The following EYA2 variants were observed in gnomAD, a reference collection of about 807,000 sequenced individuals.
EYA2 encodes protein phosphatase EYA2.
In EYA2, 31 loss-of-function variants were observed where a neutral mutation model predicts 69.2. The ratio of observed to expected loss-of-function variants is 0.45; its 90% CI spans 0.34 to 0.60. The LOEUF (loss-of-function observed/expected upper bound fraction) is 0.60. Among genes scored for constraint, EYA2 ranks in the 20% least tolerant of loss-of-function variants. EYA2 has a pLI of 0.02. For missense variants in EYA2, 622 were observed against 701.2 expected, an observed-to-expected ratio of 0.89 and a Z score of 1.28; for synonymous variants, 257 against 279.4, an observed-to-expected ratio of 0.92 and a Z score of 0.80.
rs191038599 is a variant in EYA2 at position 47,097,048 on chromosome 20, C to T, written c.805-37C>T. 915 of 1,489,254 alleles carry T rather than the reference C, an allele frequency of 6.1e-4. 1 individual carries two copies. Among genetic ancestry groups the T allele is most frequent in the Admixed American group, 3.8e-3 (222 of 58,402 alleles). The allele number at this position is 1,489,254 out of a possible 1,614,324, so 92.3% of individuals were successfully genotyped here. On this transcript the variant is annotated intron_variant, in intron 8 of 15. Transcript: ENST00000327619. ...GACATTAAGTCAGATGCACGTGAGT[C>T]CATTTTTCTCCATTCTCTTCCTCTC...
chr20:47,049,889 T>G (rs1012010442), intron 5 of EYA2, among the ~76,000 whole-genome samples: 3 of 142,808 alleles, frequency 2.1e-5, no homozygotes, highest in Non-Finnish European at 3.1e-5. Context: ...CAGTCTGTCT[T>G]TCTCTCATGA....
At position 47,156,478 on chromosome 20, in the gene EYA2, G is replaced by A. The variant is rs111885788; in HGVS notation, c.979-12661G>A. Reference sequence around the variant, plus strand: ...GGGAGCATTTCAAGATGCAGCCAGGGCTTTAGGAAAGACCATGCCGGAGAG... The same window carrying A: ...GGGAGCATTTCAAGATGCAGCCAGGACTTTAGGAAAGACCATGCCGGAGAG... On this transcript the variant is annotated intron_variant, in intron 10 of 15. Coordinates refer to ENST00000327619, the MANE Select transcript of EYA2 (RefSeq NM_005244.5). Among the ~76,000 whole-genome samples, 335 of 151,888 alleles carry A rather than the reference G, an allele frequency of 2.2e-3. 2 individuals are homozygous for A. The highest frequency in any genetic ancestry group is 7.7e-3 in the African/African-American group (321 of 41,562).
At chr20:47,027,186 C>T (rs1484235381) in intron 5 of EYA2, among the ~76,000 whole-genome samples, 1 of 152,226 alleles carries the variant, frequency 6.6e-6, no homozygotes, top group Non-Finnish European at 1.5e-5. Flanking sequence ...AGAGTGGAGC[C>T]CAGTGGCCTC....
chr20:47,133,625 T>TA (rs2033393893), intron 9 of EYA2, among the ~76,000 whole-genome samples: 1 of 152,104 alleles, frequency 6.6e-6, no homozygotes, highest in African/African-American at 2.4e-5. Context: ...TTACAGTTAT[T>TA]ACAGTAAAAG....
chr20:47,099,865 A>G (rs1200061505), intron 9 of EYA2, among the ~76,000 whole-genome samples: 1 of 152,214 alleles, frequency 6.6e-6, no homozygotes, highest in Non-Finnish European at 1.5e-5. Flanking sequence ...TAAGCACCAT[A>G]AGGGCAGAGA....
At chr20:46,970,922 A>G (rs1488391484) in intron 1 of EYA2, among the ~76,000 whole-genome samples, 2 of 133,078 alleles carry the variant, frequency 1.5e-5, no homozygotes, top group Non-Finnish European at 3.2e-5. Context: ...AAATGATATT[A>G]TGGGGTTTGC....
In EYA2 at chr20:47,039,758, G is replaced by C. The variant is rs908300500; in HGVS notation, c.415+23461G>C. ...TCAAATCCTGGTTTTGCTGTTAACT[G>C]TGTGACTGTGGGATATTTTTTCGTT... is the stretch of plus-strand genomic sequence containing the variant. On this transcript the variant is annotated intron_variant, in intron 5 of 15. Coordinates refer to ENST00000327619, the MANE Select transcript of EYA2 (RefSeq NM_005244.5). Among the ~76,000 whole-genome samples, 9 of 149,400 alleles carry C rather than the reference G, an allele frequency of 6.0e-5. No homozygotes were observed. In the South Asian group the frequency reaches 6.3e-4, roughly 10 times the overall value.
chr20:47,097,321 C>A (rs2032279531), intron 9 of EYA2, among the ~76,000 whole-genome samples, 153 bp downstream of exon 9: 1 of 152,196 alleles, frequency 6.6e-6, no homozygotes, highest in Admixed American at 6.5e-5. Flanking sequence ...ATTCCTATGA[C>A]ATTTTCCTTT....
chr20:46,959,948 G>T (rs1172507450), intron 1 of EYA2, among the ~76,000 whole-genome samples: 1 of 152,168 alleles, frequency 6.6e-6, no homozygotes, highest in East Asian at 1.9e-4. Context: ...ATGGGAATCT[G>T]TCGCCTGATT....
chr20:47,104,159 G>T (rs2032509601), intron 9 of EYA2, among the ~76,000 whole-genome samples: 1 of 152,136 alleles, frequency 6.6e-6, no homozygotes, highest in Admixed American at 6.5e-5. Context: ...ATCTCATTGT[G>T]GGTTTGATTG....
At chr20:47,164,424 C>T (rs981662762) in intron 10 of EYA2, among the ~76,000 whole-genome samples, 8 of 152,214 alleles carry the variant, frequency 5.3e-5, no homozygotes, top group Admixed American at 5.2e-4. Flanking sequence ...GCCCAGAGGC[C>T]TGAGCCCGGG....
At chr20:47,014,628 A>ACG (rs758094629) in intron 4 of EYA2, among the ~76,000 whole-genome samples, 149 of 144,708 alleles carry the variant, frequency 1.0e-3, no homozygotes, top group Middle Eastern at 3.6e-3. Context: ...TGTGCACAAA[A>ACG]TGTGTGTGTG....
At chr20:47,180,357 C>T (rs1035411063) in intron 13 of EYA2, among the ~76,000 whole-genome samples, 1 of 152,174 alleles carries the variant, frequency 6.6e-6, no homozygotes, top group Non-Finnish European at 1.5e-5. Flanking sequence ...CTTAAGTGCA[C>T]AAGGCTCAGT....
At chr20:47,150,327 T>C (rs1339183032) in intron 10 of EYA2, among the ~76,000 whole-genome samples, 1 of 152,140 alleles carries the variant, frequency 6.6e-6, no homozygotes, top group Non-Finnish European at 1.5e-5. Flanking sequence ...TGTCTATGAA[T>C]TAGGATACAA....
At chr20:46,952,173 A>AG (rs1225850510) in intron 1 of EYA2, among the ~76,000 whole-genome samples, 1 of 152,144 alleles carries the variant, frequency 6.6e-6, no homozygotes, top group Non-Finnish European at 1.5e-5. Flanking sequence ...TCCTTAAGGT[A>AG]GGGTGGTCAG....
intron 10 of EYA2, chr20:47,161,031 GT>G: frequency 3.4e-6 from 1 of 295,250 alleles, no homozygotes; most frequent in Non-Finnish European, 6.4e-6. Context: ...CCTTGGCGAA[GT>G]TTCCCAGGGT....
At chr20:47,096,570 AAAC>A (rs2032252815) in intron 8 of EYA2, among the ~76,000 whole-genome samples, 1 of 152,212 alleles carries the variant, frequency 6.6e-6, no homozygotes, top group Non-Finnish European at 1.5e-5. Context: ...GTTTCCAGAG[AAAC>A]AACAGAGATT....
chr20:47,123,071 T>G (rs1198276980), intron 9 of EYA2, among the ~76,000 whole-genome samples: 1 of 152,116 alleles, frequency 6.6e-6, no homozygotes, highest in Non-Finnish European at 1.5e-5. Flanking sequence ...ATAGGGTCAC[T>G]GGGGGAGGAT....
intron 9 of EYA2, among the ~76,000 whole-genome samples, chr20:47,139,776 CT>C (rs369023267): frequency 1.9e-4 from 29 of 152,176 alleles, no homozygotes; most frequent in South Asian, 6.2e-4. Flanking sequence ...CTTCTTGATT[CT>C]TTTTTTCCCC....
Sources: gnomAD v4.1 joint callset for allele counts (sites outside exome capture counted in the v4.1 genomes callset) on GRCh38, gnomAD v4.1.1 for gene constraint, MANE v1.5 for transcripts, NCBI Gene and HGNC (gene_info 2026-07-23, HGNC 2026-07-21) for gene names.